The following ADAMTS17 variants were observed in gnomAD, a reference collection of about 807,000 sequenced individuals.
ADAMTS17 encodes the protein ADAM metallopeptidase with thrombospondin type 1 motif 17.
ADAMTS17 carries 113 observed loss-of-function variants against 141.5 expected under a neutral mutation model. The observed-to-expected ratio is 0.80, with a 90% CI of 0.69 to 0.93. The LOEUF (loss-of-function observed/expected upper bound fraction) is 0.93. Ranked by LOEUF, ADAMTS17 falls within the 40% of genes least tolerant of loss-of-function variation. ADAMTS17 has a pLI of 0.00. For synonymous variants in ADAMTS17, 768 were observed against 630.6 expected (o/e 1.22, Z -3.27); for missense variants, 1,659 against 1,517.9 (o/e 1.09, Z -1.54).
intron 7 of ADAMTS17, among the ~76,000 whole-genome samples, chr15:100,218,169 G>C (rs544072186): frequency 6.6e-6 from 1 of 152,112 alleles, no homozygotes; most frequent in African/African-American, 2.4e-5. Context: ...CACTGCACTC[G>C]GCCAAACAGA....
chr15:100,264,963 G>A (rs902737921), intron 4 of ADAMTS17, among the ~76,000 whole-genome samples: 33 of 152,188 alleles, frequency 2.2e-4, no homozygotes, highest in African/African-American at 7.0e-4. Context: ...TTCATGTTAA[G>A]TGTATTTTAC....
intron 3 of ADAMTS17, among the ~76,000 whole-genome samples, chr15:100,288,840 G>A (rs1164321191): frequency 1.3e-5 from 2 of 152,142 alleles, no homozygotes; most frequent in African/African-American, 4.8e-5. Flanking sequence ...AAATCTTTGA[G>A]AGACAGCTAA....
intron 8 of ADAMTS17, among the ~76,000 whole-genome samples, chr15:100,159,003 C>T (rs1382415842): frequency 1.3e-5 from 2 of 151,882 alleles, no homozygotes; most frequent in Non-Finnish European, 2.9e-5. Context: ...AAATTAAAAC[C>T]CCTGCATGGC....
intron 6 of ADAMTS17, 29 bp from the exon 7 acceptor site, chr15:100,254,208 A>G (rs370811134): frequency 1.9e-6 from 3 of 1,597,606 alleles, no homozygotes; most frequent in African/African-American, 2.7e-5. Flanking sequence ...ATCATCAGGT[A>G]TATGCAGTAT....
chr15:100,160,736 G>A (rs777073464), intron 8 of ADAMTS17, among the ~76,000 whole-genome samples: 10 of 152,174 alleles, frequency 6.6e-5, no homozygotes, highest in African/African-American at 1.7e-4. Flanking sequence ...AAAATCAGCC[G>A]AGTGGGATTC....
intron 15 of ADAMTS17, among the ~76,000 whole-genome samples, chr15:100,064,026 C>T (rs1567112423): frequency 1.3e-5 from 2 of 152,284 alleles, no homozygotes; most frequent in East Asian, 3.9e-4. Flanking sequence ...CCCCCTTCAA[C>T]CAGAACATCA....
In ADAMTS17 at chr15:100,132,072, C is replaced by T; in HGVS notation, c.1656G>A (p.Trp552Ter). The T allele has an allele frequency of 2.5e-6, 4 of 1,614,184 alleles. No individual in the cohort carries two copies. The highest frequency in any genetic ancestry group is 3.4e-6 in the Non-Finnish European group (4 of 1,180,032). ...TCCCACATGTTCGGCTGCACATGCT[C>T]CAGGCGCCCCACGGGCTCCAGTCTC... is the stretch of plus-strand genomic sequence containing the variant. ...VDGDWSPWGA[W>*]SMCSRTCGTG... Residue 552 changes from tryptophan to a stop codon, truncating the protein, a stop_gained, in exon 12 of 22, where the codon TGG becomes TGA. Transcript: ENST00000268070. LOFTEE classifies it high-confidence loss of function.
Position 100,011,836 on chromosome 15 carries a change from G to C in ADAMTS17, c.2592-14247C>G, listed in dbSNP as rs1483758023. Among the ~76,000 whole-genome samples, 4 of 152,348 alleles carry C rather than the reference G, an allele frequency of 2.6e-5. No homozygotes were observed. The East Asian group carries it at 7.7e-4, about 29-fold the overall frequency. On this transcript the variant is annotated intron_variant, in intron 18 of 21. Coordinates refer to ENST00000268070, the MANE Select transcript of ADAMTS17 (RefSeq NM_139057.4). ...GGGTAGGTTCCAAGATTTTGCAATT[G>C]TGAATTGTGCTGCTACAAACATGCA... is the stretch of plus-strand genomic sequence containing the variant.
intron 7 of ADAMTS17, among the ~76,000 whole-genome samples, chr15:100,219,239 C>G (rs1268922856): frequency 6.6e-6 from 1 of 152,144 alleles, no homozygotes; most frequent in Non-Finnish European, 1.5e-5. Context: ...GGGTTTATTT[C>G]TGGGGTGATA....
intron 7 of ADAMTS17, among the ~76,000 whole-genome samples, chr15:100,239,835 C>A (rs773646254): frequency 2.0e-5 from 3 of 152,030 alleles, no homozygotes; most frequent in Admixed American, 6.5e-5. Context: ...GCCTTACAAC[C>A]CCTGGAGTGG....
At chr15:100,051,803 C>T (rs2032170257) in intron 16 of ADAMTS17, 72 bp from the exon 17 acceptor site, 2 of 1,584,216 alleles carry the variant, frequency 1.3e-6, no homozygotes, top group African/African-American at 2.7e-5. Context: ...AATCTGCACA[C>T]ACAGGCACAC....
chr15:100,226,407 C>G (rs1356435134), intron 7 of ADAMTS17, among the ~76,000 whole-genome samples: 2 of 152,250 alleles, frequency 1.3e-5, no homozygotes, highest in Non-Finnish European at 2.9e-5. Context: ...CCCCAAATGT[C>G]CAGGCACATA....
chr15:100,069,439 T>G (rs1230318690), intron 15 of ADAMTS17, among the ~76,000 whole-genome samples: 1 of 152,058 alleles, frequency 6.6e-6, no homozygotes, highest in Admixed American at 6.5e-5. Context: ...GACACATAAT[T>G]GTCAGATTCA....
intron 7 of ADAMTS17, among the ~76,000 whole-genome samples, chr15:100,207,044 A>G (rs1296781194): frequency 6.6e-6 from 1 of 152,174 alleles, no homozygotes; most frequent in Non-Finnish European, 1.5e-5. Context: ...TGTCCCCCTG[A>G]AATTCAGAGG....
At chr15:100,091,248 A>G (rs2035452558) in intron 15 of ADAMTS17, among the ~76,000 whole-genome samples, 1 of 152,006 alleles carries the variant, frequency 6.6e-6, no homozygotes, top group East Asian at 1.9e-4. Context: ...CCCGATGTGG[A>G]TGCCAGATAC....
At chr15:100,325,010 T>C (rs1336304444) in intron 3 of ADAMTS17, among the ~76,000 whole-genome samples, 6 of 152,244 alleles carry the variant, frequency 3.9e-5, no homozygotes, top group Non-Finnish European at 8.8e-5. Context: ...CGATGGTGTC[T>C]ATTGTTACAG....
At chr15:100,204,407 G>A (rs1428676404) in intron 7 of ADAMTS17, among the ~76,000 whole-genome samples, 1 of 152,192 alleles carries the variant, frequency 6.6e-6, no homozygotes, top group Non-Finnish European at 1.5e-5. Flanking sequence ...GAGAGCATGT[G>A]GCATCTGCCA....
In ADAMTS17 at chr15:99,976,161, G is replaced by A. The variant is rs1292094234; in HGVS notation, c.3011C>T (p.Thr1004Ile). The A allele has an allele frequency of 2.6e-6, 4 of 1,550,486 alleles. No homozygotes were observed. The African/African-American group carries it at 4.1e-5, about 16-fold the overall frequency. The change falls in exon 21 of 22, where the codon ACA (threonine) becomes ATA (isoleucine). Residue 1004 changes from threonine to isoleucine, a missense_variant. By Grantham distance (89) the Thr-to-Ile change is moderately conservative (BLOSUM62 -1). Transcript: ENST00000268070. ...GGGGCACTCGCTGCCGTGGCGCCCT[G>A]TGACCTTGTGCATGCACTGCACCAC... ...SRVVQCMHKV[T>I]GRHGSECPAL... is the part of the protein sequence containing the mutation.
intron 7 of ADAMTS17, among the ~76,000 whole-genome samples, chr15:100,242,773 C>T (rs969293368): frequency 2.6e-5 from 4 of 152,224 alleles, no homozygotes; most frequent in East Asian, 1.9e-4. Context: ...AAATAAAATT[C>T]ACAACACTGC....
Sources: allele counts gnomAD v4.1 joint callset (sites outside exome capture counted in the v4.1 genomes callset), GRCh38; gene constraint gnomAD v4.1.1; transcripts MANE v1.5; gene names NCBI Gene and HGNC (gene_info 2026-07-23, HGNC 2026-07-21).